The following RAPGEF2 variants were observed in gnomAD, a reference collection of about 807,000 sequenced individuals.
RAPGEF2 encodes the protein PDZ domain containing guanine nucleotide exchange factor (GEF) 1.
In RAPGEF2, 54 loss-of-function variants were observed where a neutral mutation model predicts 186.7. That is an observed-to-expected ratio of 0.29 (90% CI 0.23 to 0.36). The LOEUF (loss-of-function observed/expected upper bound fraction) is 0.36. Among genes scored for constraint, RAPGEF2 ranks in the 10% least tolerant of loss-of-function variants. The probability of loss-of-function intolerance (pLI) is 1.00; values close to 1 mark genes in which losing one functional copy is unlikely to be tolerated. For synonymous variants in RAPGEF2, 712 were observed against 705.9 expected (o/e 1.01, Z -0.14); for missense variants, 1,532 against 2,045.0 (o/e 0.75, Z 4.84).
At chr4:159,275,012 CT>C (rs1352265503) in intron 7 of RAPGEF2, among the ~76,000 whole-genome samples, 1 of 151,630 alleles carries the variant, frequency 6.6e-6, no homozygotes. Flanking sequence ...AACTGAACCC[CT>C]AACATAGGCC....
intron 11 of RAPGEF2, among the ~76,000 whole-genome samples, chr4:159,325,793 T>A (rs779868739): frequency 1.3e-5 from 2 of 152,140 alleles, no homozygotes; most frequent in South Asian, 2.1e-4. Context: ...GTAACATTAT[T>A]TATCTGGGAG....
intron 7 of RAPGEF2, among the ~76,000 whole-genome samples, chr4:159,261,029 A>G (rs985881742): frequency 6.6e-6 from 1 of 151,650 alleles, no homozygotes; most frequent in African/African-American, 2.4e-5. Flanking sequence ...TGTTGGGATT[A>G]CAGGCGTGAG....
intron 1 of RAPGEF2, among the ~76,000 whole-genome samples, chr4:159,162,895 T>TC (rs1223799346): frequency 6.6e-6 from 1 of 152,078 alleles, no homozygotes; most frequent in African/African-American, 2.4e-5. Flanking sequence ...AATTTTTTTT[T>TC]CCGTAAGATT....
chr4:159,211,663 G>T (rs1232604366), intron 4 of RAPGEF2, among the ~76,000 whole-genome samples: 2 of 152,222 alleles, frequency 1.3e-5, no homozygotes, highest in African/African-American at 4.8e-5. Context: ...GGTAGCTGAC[G>T]TGAGTAGAAT....
Position 159,267,879 on chromosome 4 carries a change from G to A in RAPGEF2, c.543+24088G>A, listed in dbSNP as rs148400622. On this transcript the variant is annotated intron_variant, in intron 7 of 29. Transcript: ENST00000691494. The stretch of plus-strand genomic sequence containing the variant: ...TTGTTCTCTTGGAAGACTGAGAGCT[G>A]TGTGAGGTTTTCTCAGTCTTGTCAT... 11 of 1,124,258 alleles carry A rather than the reference G, an allele frequency of 9.8e-6. No individual in the cohort carries two copies. The African/African-American group carries it at 1.8e-4, about 18-fold the overall frequency. The allele number at this position is 1,124,258 out of a possible 1,614,324, so 69.6% of individuals were successfully genotyped here.
intron 1 of RAPGEF2, among the ~76,000 whole-genome samples, chr4:159,144,876 C>T (rs1187129749): frequency 9.9e-6 from 1 of 101,092 alleles, no homozygotes; most frequent in Non-Finnish European, 1.9e-5. Context: ...TTTCTTTCTT[C>T]CTGTTTTTTT....
chr4:159,130,796 C>T (rs547678776), intron 1 of RAPGEF2, among the ~76,000 whole-genome samples: 16 of 151,624 alleles, frequency 1.1e-4, no homozygotes, highest in East Asian at 3.9e-4. Context: ...CTGCACCCTC[C>T]GCCTCTCAGG....
At chr4:159,139,569 T>C (rs1341810991) in intron 1 of RAPGEF2, among the ~76,000 whole-genome samples, 1 of 151,782 alleles carries the variant, frequency 6.6e-6, no homozygotes, top group East Asian at 1.9e-4. Flanking sequence ...GTGATACTGG[T>C]GAAATTAAAA....
intron 4 of RAPGEF2, among the ~76,000 whole-genome samples, chr4:159,227,274 A>C (rs1310282642): frequency 2.6e-5 from 4 of 152,230 alleles, no homozygotes; most frequent in Non-Finnish European, 5.9e-5. Flanking sequence ...TTTTCTCATT[A>C]ATATGTTACA....
At chr4:159,178,092 A>G (rs2111266513) in intron 1 of RAPGEF2, among the ~76,000 whole-genome samples, 1 of 152,348 alleles carries the variant, frequency 6.6e-6, no homozygotes, top group Non-Finnish European at 1.5e-5. Context: ...ATTAAGAAAG[A>G]CTTTTTAAAG....
intron 1 of RAPGEF2, among the ~76,000 whole-genome samples, chr4:159,162,237 A>C (rs868069801): frequency 0.01 from 1,541 of 150,828 alleles, 34 homozygotes; most frequent in African/African-American, 0.035. Context: ...AAAAAAAAAA[A>C]AAAATAGCTG....
intron 1 of RAPGEF2, among the ~76,000 whole-genome samples, chr4:159,161,434 G>A (rs1273369207): frequency 1.3e-5 from 2 of 152,200 alleles, no homozygotes; most frequent in Non-Finnish European, 2.9e-5. Context: ...GCTGGGCACC[G>A]TGGTTTATGC....
chr4:159,315,825 C>T (rs1164010705), intron 9 of RAPGEF2, among the ~76,000 whole-genome samples: 1 of 152,126 alleles, frequency 6.6e-6, no homozygotes, highest in Non-Finnish European at 1.5e-5. Context: ...GAAGGCAGAG[C>T]CAGGTGTACA....
chr4:159,193,613 A>C (rs192618074), intron 3 of RAPGEF2, among the ~76,000 whole-genome samples: 18 of 152,368 alleles, frequency 1.2e-4, no homozygotes, highest in African/African-American at 3.6e-4. Context: ...AGATAGCATA[A>C]AGGCCATATT....
chr4:159,149,627 A>G lies in RAPGEF2; in HGVS notation c.70-37015A>G, dbSNP rs1322019066. On this transcript the variant is annotated intron_variant, in intron 1 of 29. Coordinates refer to ENST00000691494, the MANE Select transcript of RAPGEF2 (RefSeq NM_001394067.2). ...CCTCCTCACTCCCTTTTTTAAAATA[A>G]GAGACTGTTCTTTTGTAAACAATGA... Among the ~76,000 whole-genome samples the G allele has an allele frequency of 2.6e-5, 4 of 152,154 alleles. No individual in the cohort carries two copies. The East Asian group carries it at 7.7e-4, about 29-fold the overall frequency.
chr4:159,235,788 TACTGTTTCAAAGAATC>T (rs1337360948), intron 4 of RAPGEF2, among the ~76,000 whole-genome samples: 1 of 152,250 alleles, frequency 6.6e-6, no homozygotes. Context: ...TTTATGTATT[TACTGTTTCAAAGAATC>T]AGAGAGCAGA....
chr4:159,258,082 T>C (rs1017340132), intron 7 of RAPGEF2, among the ~76,000 whole-genome samples: 33 of 152,202 alleles, frequency 2.2e-4, no homozygotes, highest in Admixed American at 1.0e-3. Flanking sequence ...TTGTTAGCAA[T>C]TCTAATAATG....
chr4:159,153,621 A>G (rs1168266979), intron 1 of RAPGEF2, among the ~76,000 whole-genome samples: 1 of 152,212 alleles, frequency 6.6e-6, no homozygotes, highest in Non-Finnish European at 1.5e-5. Flanking sequence ...TAACTGACCT[A>G]TCACTGACTT....
chr4:159,169,674 A>G (rs1579360189), intron 1 of RAPGEF2, among the ~76,000 whole-genome samples: 1 of 152,204 alleles, frequency 6.6e-6, no homozygotes, highest in East Asian at 1.9e-4. Flanking sequence ...ATGAAATCAC[A>G]CAGTATTTGC....
Sources: allele counts gnomAD v4.1 joint callset (sites outside exome capture counted in the v4.1 genomes callset), GRCh38; gene constraint gnomAD v4.1.1; transcripts MANE v1.5; gene names NCBI Gene and HGNC (gene_info 2026-07-23, HGNC 2026-07-21).